The following OR5A1 variants were observed in gnomAD, a reference collection of about 807,000 sequenced individuals.
OR5A1 encodes olfactory receptor family 5 subfamily A member 1, also known as olfactory receptor 5A1.
Under a neutral mutation model 6.7 loss-of-function variants are expected in OR5A1, and 6 were observed. The ratio of observed to expected loss-of-function variants is 0.89; its 90% CI spans 0.49 to 1.76. The LOEUF (loss-of-function observed/expected upper bound fraction) is 1.76, where lower values mean the gene tolerates loss of function less well. Among genes scored for constraint, OR5A1 ranks in the 40% most tolerant of loss-of-function variants. The pLI is 0.01. For synonymous variants in OR5A1, 170 were observed against 155.0 expected (o/e 1.10, Z -0.72); for missense variants, 378 against 381.7 (o/e 0.99, Z 0.08).
In OR5A1 at chr11:59,444,189, C is replaced by T; in HGVS notation, c.*73C>T. 7 of 1,015,480 alleles carry T rather than the reference C, an allele frequency of 6.9e-6. No homozygotes were observed. The highest frequency in any genetic ancestry group is 2.4e-5 in the East Asian group (1 of 41,840). The allele number at this position is 1,015,480 out of a possible 1,614,324, so 62.9% of individuals were successfully genotyped here. On this transcript the variant is annotated 3_prime_UTR_variant, in exon 2 of 2. Transcript: ENST00000641045. ...TCCAAGCCTTCACCTCCACCTCTGC[C>T]TCAGGCAAGGGAGATATTTGGTGCT...
At chr11:59,443,077 G>A (rs7947825) in intron 1 of OR5A1, 59 bp from the exon 2 acceptor site, 810,464 of 908,200 alleles carry the variant, frequency 0.89, 367,869 homozygotes, top group Non-Finnish European at 0.94. Flanking sequence ...CTCCCTCTCA[G>A]GCATTTTGTA....
intron 1 of OR5A1, among the ~76,000 whole-genome samples, chr11:59,439,803 C>T (rs1450680095): frequency 6.6e-6 from 1 of 152,198 alleles, no homozygotes; most frequent in African/African-American, 2.4e-5. Context: ...CTCAACCTCA[C>T]TCGTAAACAC....
rs144383577 is a variant in OR5A1 at position 59,443,542 on chromosome 11, G to A, written c.374G>A (p.Arg125Gln). Reference sequence around the variant, plus strand: ...CTCCTGACTGCTATGGCATACGACCGATATGCAGCCATCTCCAGCCCCCTT... The same window carrying A: ...CTCCTGACTGCTATGGCATACGACCAATATGCAGCCATCTCCAGCCCCCTT... ...CLLLTAMAYD[R>Q]YAAISSPLLY... The change falls in exon 2 of 2, where the codon CGA becomes CAA. Residue 125 changes from arginine (R) to glutamine (Q), a missense_variant. Physicochemically the swap from Arg to Gln is conservative, Grantham distance 43. Coordinates refer to ENST00000641045, the MANE Select transcript of OR5A1 (RefSeq NM_001004728.2). 1.5e-4 allele frequency: 247 copies of A among 1,613,942 alleles called. 1 individual carries two copies. The highest frequency in any genetic ancestry group is 1.5e-3 in the African/African-American group (112 of 74,952).
At position 59,445,186 on chromosome 11, in the gene OR5A1, A is replaced by G. The variant is rs540497377; in HGVS notation, c.*1070A>G. On this transcript the variant is annotated 3_prime_UTR_variant, in exon 2 of 2. Coordinates refer to ENST00000641045, the MANE Select transcript of OR5A1 (RefSeq NM_001004728.2). ...CCTCCCTGCCTCCTGACAGGCCCCA[A>G]TGTGCATTGTTCCCCTCTCTGTGTC... 3.9e-5 allele frequency: 6 copies of G among 151,974 alleles called. No homozygotes were observed. Among genetic ancestry groups the G allele is most frequent in the Non-Finnish European group, 5.9e-5 (4 of 67,960 alleles). 9.4% of individuals were successfully genotyped at this position (151,974 alleles called of 1,614,324 possible). A position where few individuals can be genotyped will look rare whatever the true frequency, so the allele number is the denominator to read the frequency against.
In OR5A1 at chr11:59,449,863, T is replaced by A. The variant is rs1858597324; in HGVS notation, c.*5747T>A. 6.6e-6 allele frequency: 1 copy of A among 152,154 alleles called. No homozygotes were observed. Among genetic ancestry groups the A allele is most frequent in the South Asian group, 2.1e-4 (1 of 4,830 alleles). 9.4% of individuals were successfully genotyped at this position (152,154 alleles called of 1,614,324 possible). A position where few individuals can be genotyped will look rare whatever the true frequency, so the allele number is the denominator to read the frequency against. Reference sequence around the variant, plus strand: ...TTTGTTCATTCATCTTCAAAAAGAATTATTGAATAACTGCTATGTTCCAGG... The same window carrying A: ...TTTGTTCATTCATCTTCAAAAAGAAATATTGAATAACTGCTATGTTCCAGG... On this transcript the variant is annotated 3_prime_UTR_variant, in exon 2 of 2. Coordinates refer to ENST00000641045, the MANE Select transcript of OR5A1 (RefSeq NM_001004728.2).
intron 1 of OR5A1, among the ~76,000 whole-genome samples, chr11:59,437,050 T>C (rs1245898158): frequency 6.6e-6 from 1 of 152,166 alleles, no homozygotes; most frequent in African/African-American, 2.4e-5. Flanking sequence ...AATTGTAGAG[T>C]CACGGCAATA....
chr11:59,444,059 C>A lies in OR5A1; in HGVS notation c.891C>A (p.Asn297Lys), dbSNP rs753305872. The change falls in exon 2 of 2, where the codon AAC (asparagine) becomes AAA (lysine). Residue 297 changes from asparagine to lysine, a missense_variant. By Grantham distance (94) the Asn-to-Lys change is moderately conservative (BLOSUM62 0). Coordinates refer to ENST00000641045, the MANE Select transcript of OR5A1 (RefSeq NM_001004728.2). ...MLNPLIYSLR[N>K]KEIKDALWKV... ...ACCCTCTCATTTACAGTTTGAGGAA[C>A]AAAGAGATCAAGGATGCCCTGTGGA... The A allele has an allele frequency of 6.8e-6, 11 of 1,614,024 alleles. No individual in the cohort carries two copies. Among genetic ancestry groups the A allele is most frequent in the South Asian group, 1.1e-5 (1 of 91,088 alleles).
Position 59,443,205 on chromosome 11 carries a change from A to G in OR5A1, c.37A>G (p.Thr13Ala), listed in dbSNP as rs780348171. 8 of 1,614,052 alleles carry G rather than the reference A, an allele frequency of 5.0e-6. No individual in the cohort carries two copies. The Admixed American group carries it at 1.2e-4, about 24-fold the overall frequency. Residue 13 changes from threonine (T) to alanine (A), a missense_variant, in exon 2 of 2, where the codon ACC (threonine) becomes GCC (alanine). Physicochemically the swap from Thr to Ala is moderately conservative, Grantham distance 58 (BLOSUM62 0). Coordinates refer to ENST00000641045, the MANE Select transcript of OR5A1 (RefSeq NM_001004728.2). Reference sequence around the variant, plus strand: ...CAAAGCCTGGAACAGCTCATCAGTGACCATGTTCATCCTCCTGGGATTCAC... The same window carrying G: ...CAAAGCCTGGAACAGCTCATCAGTGGCCATGTTCATCCTCCTGGGATTCAC... ...ITKAWNSSSV[T>A]MFILLGFTDH...
intron 1 of OR5A1, among the ~76,000 whole-genome samples, chr11:59,442,418 G>A (rs1300927877): frequency 6.6e-6 from 1 of 151,544 alleles, no homozygotes; most frequent in Non-Finnish European, 1.5e-5. Context: ...CTCTAGCCTG[G>A]GCAACAAGAG....
At chr11:59,438,673 ACTTCTATGCC>A (rs1858449054) in intron 1 of OR5A1, among the ~76,000 whole-genome samples, 2 of 152,186 alleles carry the variant, frequency 1.3e-5, no homozygotes, top group Non-Finnish European at 2.9e-5. Context: ...TTCTGAAGGA[ACTTCTATGCC>A]CTTACACACA....
In OR5A1 at chr11:59,444,183, C is replaced by A; in HGVS notation, c.*67C>A. The A allele has an allele frequency of 2.8e-6, 3 of 1,076,654 alleles. No homozygotes were observed. The highest frequency in any genetic ancestry group is 4.1e-6 in the Non-Finnish European group (3 of 726,044). 66.7% of individuals were successfully genotyped at this position (1,076,654 alleles called of 1,614,324 possible). On this transcript the variant is annotated 3_prime_UTR_variant, in exon 2 of 2. Transcript: ENST00000641045. ...AAACAATCCAAGCCTTCACCTCCACCTCTGCCTCAGGCAAGGGAGATATTT... is the reference window on the plus strand; with the variant it reads ...AAACAATCCAAGCCTTCACCTCCACATCTGCCTCAGGCAAGGGAGATATTT...
At chr11:59,442,109 G>A (rs1268625865) in intron 1 of OR5A1, among the ~76,000 whole-genome samples, 4 of 152,150 alleles carry the variant, frequency 2.6e-5, no homozygotes, top group Non-Finnish European at 5.9e-5. Flanking sequence ...GTGAAGCTGA[G>A]AATTAAATCC....
chr11:59,440,114 A>T (rs1373448999), intron 1 of OR5A1, among the ~76,000 whole-genome samples: 1 of 152,116 alleles, frequency 6.6e-6, no homozygotes, highest in Non-Finnish European at 1.5e-5. Context: ...CCTAGGCTGG[A>T]GTGTAGTGGC....
Position 59,449,147 on chromosome 11 carries a change from T to G in OR5A1, c.*5031T>G, listed in dbSNP as rs1235977803. ...GCCAACTTCTCCACTGAAAATATATTTCCTACAAATATCCAATATTACTCC... is the reference window on the plus strand; with the variant it reads ...GCCAACTTCTCCACTGAAAATATATGTCCTACAAATATCCAATATTACTCC... On this transcript the variant is annotated 3_prime_UTR_variant, in exon 2 of 2. Transcript: ENST00000641045. 6.6e-6 allele frequency: 1 copy of G among 152,142 alleles called. No individual in the cohort carries two copies. The highest frequency in any genetic ancestry group is 1.5e-5 in the Non-Finnish European group (1 of 68,022). 9.4% of individuals were successfully genotyped at this position (152,142 alleles called of 1,614,324 possible). A position where few individuals can be genotyped will look rare whatever the true frequency, so the allele number is the denominator to read the frequency against.
At chr11:59,441,934 G>A (rs925126334) in intron 1 of OR5A1, among the ~76,000 whole-genome samples, 33 of 142,048 alleles carry the variant, frequency 2.3e-4, no homozygotes, top group Non-Finnish European at 4.1e-4. Context: ...GATGGATAGA[G>A]AGATGATAGA....
At position 59,444,147 on chromosome 11, in the gene OR5A1, G is replaced by A; in HGVS notation, c.*31G>A. ...GCGTAGAAACTTATTTATCCAAACT[G>A]CTGGAGAATTAAACAATCCAAGCCT... On this transcript the variant is annotated 3_prime_UTR_variant, in exon 2 of 2. Coordinates refer to ENST00000641045, the MANE Select transcript of OR5A1 (RefSeq NM_001004728.2). 6.9e-7 allele frequency: 1 copy of A among 1,456,428 alleles called. No homozygotes were observed. The allele number at this position is 1,456,428 out of a possible 1,614,324, so 90.2% of individuals were successfully genotyped here.
At chr11:59,441,225 A>G (rs945275496) in intron 1 of OR5A1, among the ~76,000 whole-genome samples, 1 of 152,224 alleles carries the variant, frequency 6.6e-6, no homozygotes, top group Non-Finnish European at 1.5e-5. Context: ...TATACAAGTT[A>G]CAAAGGTTTG....
In OR5A1 at chr11:59,447,036, G is replaced by A. The variant is rs780030368; in HGVS notation, c.*2920G>A. 1 of 152,162 alleles carries A rather than the reference G, an allele frequency of 6.6e-6. No homozygotes were observed. The highest frequency in any genetic ancestry group is 2.4e-5 in the African/African-American group (1 of 41,432). 9.4% of individuals were successfully genotyped at this position (152,162 alleles called of 1,614,324 possible). A position where few individuals can be genotyped will look rare whatever the true frequency, so the allele number is the denominator to read the frequency against. On this transcript the variant is annotated 3_prime_UTR_variant, in exon 2 of 2. Coordinates refer to ENST00000641045, the MANE Select transcript of OR5A1 (RefSeq NM_001004728.2). ...TACAGGTACTCAGAGAGAGAGAGTT[G>A]AAATTTGCTGAGTGCTTACTAAATT... is the stretch of plus-strand genomic sequence containing the variant.
intron 1 of OR5A1, among the ~76,000 whole-genome samples, chr11:59,438,044 CTT>C (rs1858439584): frequency 6.6e-6 from 1 of 152,172 alleles, no homozygotes; most frequent in Non-Finnish European, 1.5e-5. Flanking sequence ...CTCTCTCTCT[CTT>C]GCATCTGCTC....
Sources: allele counts gnomAD v4.1 joint callset (sites outside exome capture counted in the v4.1 genomes callset), GRCh38; gene constraint gnomAD v4.1.1; transcripts MANE v1.5; gene names NCBI Gene and HGNC (gene_info 2026-07-23, HGNC 2026-07-21).